The following SVIL variants were observed in gnomAD, a reference collection of about 807,000 sequenced individuals.
SVIL encodes archvillin.
SVIL carries 101 observed loss-of-function variants against 240.4 expected under a neutral mutation model. The observed-to-expected ratio is 0.42, with a 90% CI of 0.36 to 0.50. SVIL has a LOEUF of 0.50. Ranked by LOEUF, SVIL falls within the 20% of genes least tolerant of loss-of-function variation. The probability of loss-of-function intolerance (pLI) is 0.01; values close to 1 mark genes in which losing one functional copy is unlikely to be tolerated. For missense variants in SVIL, 2,512 were observed against 2,818.7 expected (o/e 0.89, Z 2.46); for synonymous variants, 999 against 1,100.0 (o/e 0.91, Z 1.82).
intron 6 of SVIL, among the ~76,000 whole-genome samples, chr10:29,550,373 T>A (rs1953183430): frequency 1.3e-5 from 2 of 151,466 alleles, no homozygotes; most frequent in South Asian, 4.2e-4. Flanking sequence ...GCCCAGGAGT[T>A]CCAGGCTGCA....
intron 3 of SVIL, among the ~76,000 whole-genome samples, chr10:29,561,285 T>A (rs1210717253): frequency 5.9e-5 from 9 of 152,214 alleles, no homozygotes; most frequent in Admixed American, 4.6e-4. Context: ...TAAGCTTAGG[T>A]GTTCTAAAAG....
intron 6 of SVIL, among the ~76,000 whole-genome samples, chr10:29,548,163 T>C (rs1952866209): frequency 6.6e-6 from 1 of 152,234 alleles, no homozygotes; most frequent in African/African-American, 2.4e-5. Context: ...GACAGGTCTT[T>C]GGGTTAATAC....
At chr10:29,557,468 T>C (rs1258184827) in intron 3 of SVIL, among the ~76,000 whole-genome samples, 1 of 152,150 alleles carries the variant, frequency 6.6e-6, no homozygotes, top group Non-Finnish European at 1.5e-5. Flanking sequence ...AAACCGAGTA[T>C]CATGTAACTT....
rs11007599 is a variant in SVIL at position 29,462,590 on chromosome 10, C to G, written c.6278-189G>C. On this transcript the variant is annotated intron_variant, in intron 35 of 37. Transcript: ENST00000355867. ...TTTGTTAGTTTCATGCCTGTGACTA[C>G]CATAGTGACCTATAATCAACCTGAG... Among the ~76,000 whole-genome samples the G allele has an allele frequency of 6.6e-4, 100 of 152,238 alleles. No homozygotes were observed. The East Asian group carries it at 0.018, about 28-fold the overall frequency.
Position 29,726,813 on chromosome 10 carries a change from T to C in SVIL, c.-400+8938A>G, listed in dbSNP as rs548765698. 3.3e-5 allele frequency among the ~76,000 whole-genome samples: 5 copies of C among 152,194 alleles called. No individual in the cohort carries two copies. The East Asian group carries it at 9.7e-4, about 29-fold the overall frequency. On this transcript the variant is annotated intron_variant, in intron 1 of 35. Coordinates refer to the SVIL transcript ENST00000375400. ...CCCTCAAAGCCCTCAGCACAGGGCCTGGCAAACAGTGGACAGTCAACAGAT... is the reference window on the plus strand; with the variant it reads ...CCCTCAAAGCCCTCAGCACAGGGCCCGGCAAACAGTGGACAGTCAACAGAT...
intron 31 of SVIL, 79 bp downstream of exon 31, chr10:29,471,059 C>T: frequency 7.5e-7 from 1 of 1,332,984 alleles, no homozygotes; most frequent in Non-Finnish European, 1.1e-6. Flanking sequence ...GACAGACTCA[C>T]TTTCAGCCCC....
intron 1 of SVIL, among the ~76,000 whole-genome samples, chr10:29,593,978 C>A (rs924791992): frequency 2.6e-5 from 4 of 152,030 alleles, no homozygotes; most frequent in South Asian, 2.1e-4. Flanking sequence ...GGTGAAAATA[C>A]CCCGTAGTGT....
At chr10:29,545,150 T>C (rs1952540143) in intron 6 of SVIL, 1 of 528,438 alleles carries the variant, frequency 1.9e-6, no homozygotes, top group Non-Finnish European at 3.9e-6. Context: ...CCAAGAGAGC[T>C]TGAGGCTCTG....
At chr10:29,614,296 C>A (rs2132885258) in intron 1 of SVIL, among the ~76,000 whole-genome samples, 1 of 152,260 alleles carries the variant, frequency 6.6e-6, no homozygotes, top group East Asian at 1.9e-4. Flanking sequence ...TTTGACCCAG[C>A]AATCCCATTA....
At chr10:29,619,121 T>C (rs1195347951) in intron 1 of SVIL, among the ~76,000 whole-genome samples, 2 of 152,236 alleles carry the variant, frequency 1.3e-5, no homozygotes, top group Non-Finnish European at 2.9e-5. Flanking sequence ...GTGAAAATTC[T>C]TTGAATTTCT....
Position 29,580,851 on chromosome 10 carries a change from G to A in SVIL, c.-200-11539C>T, listed in dbSNP as rs561449927. Among the ~76,000 whole-genome samples the A allele has an allele frequency of 9.9e-5, 15 of 152,134 alleles. No homozygotes were observed. In the South Asian group the frequency reaches 3.1e-3, roughly 32 times the overall value. On this transcript the variant is annotated intron_variant, in intron 1 of 37. Coordinates refer to ENST00000355867, the MANE Select transcript of SVIL (RefSeq NM_021738.3). The stretch of plus-strand genomic sequence containing the variant: ...ATTTGTAGACATGGGATCTTGCCAT[G>A]TGCCCAGGCTGGTCTCAAACTCCTG...
At chr10:29,675,828 C>G (rs1220275157) in intron 2 of SVIL, among the ~76,000 whole-genome samples, 1 of 152,102 alleles carries the variant, frequency 6.6e-6, no homozygotes, top group Non-Finnish European at 1.5e-5. Flanking sequence ...AGTCCAATTG[C>G]CCATAGAACT....
intron 1 of SVIL, among the ~76,000 whole-genome samples, chr10:29,703,691 TG>T (rs1962685094): frequency 6.6e-6 from 1 of 152,172 alleles, no homozygotes; most frequent in African/African-American, 2.4e-5. Context: ...CCCTGCAATG[TG>T]GGGTGTTTCT....
chr10:29,569,516 T>C (rs1473048671), intron 1 of SVIL, among the ~76,000 whole-genome samples: 1 of 152,216 alleles, frequency 6.6e-6, no homozygotes, highest in Admixed American at 6.5e-5. Flanking sequence ...TTTGCTTTTC[T>C]CTTCCGGAAA....
intron 8 of SVIL, 21 bp from the exon 9 acceptor site, chr10:29,532,193 A>G (rs1414366634): frequency 1.2e-6 from 2 of 1,612,532 alleles, no homozygotes; most frequent in Non-Finnish European, 1.7e-6. Context: ...CAAAGGGCAG[A>G]GAGTATAAGG....
intron 2 of SVIL, among the ~76,000 whole-genome samples, chr10:29,682,647 A>T (rs1258190312): frequency 6.6e-6 from 1 of 152,248 alleles, no homozygotes; most frequent in East Asian, 1.9e-4. Context: ...AGGAAGAAGG[A>T]GAAACATTTC....
intron 3 of SVIL, among the ~76,000 whole-genome samples, chr10:29,646,246 G>A (rs1163361574): frequency 6.6e-6 from 1 of 152,196 alleles, no homozygotes; most frequent in Non-Finnish European, 1.5e-5. Context: ...CGTAATTTCT[G>A]CTGGCTTTGT....
intron 1 of SVIL, among the ~76,000 whole-genome samples, chr10:29,733,428 G>C (rs866390680): frequency 6.6e-6 from 1 of 152,018 alleles, no homozygotes; most frequent in Non-Finnish European, 1.5e-5. Context: ...GGGCTCAAGC[G>C]ATCCTCCCAC....
chr10:29,652,692 C>T (rs80082057), intron 3 of SVIL, among the ~76,000 whole-genome samples: 6,299 of 152,212 alleles, frequency 0.041, 211 homozygotes, highest in Admixed American at 0.096. Context: ...ACGGGCATTC[C>T]AATTTCTTCA....
Sources: gnomAD v4.1 joint callset for allele counts (sites outside exome capture counted in the v4.1 genomes callset) on GRCh38, gnomAD v4.1.1 for gene constraint, MANE v1.5 for transcripts, NCBI Gene and HGNC (gene_info 2026-07-23, HGNC 2026-07-21) for gene names.